UNC79: variants seen among roughly 807,000 people sequenced by gnomAD.
The protein encoded by UNC79 is unc-79 subunit of NALCN channel complex.
A neutral mutation model predicts 283.1 loss-of-function variants in UNC79; 37 were observed. The observed-to-expected ratio is 0.13, with a 90% CI of 0.10 to 0.17. The LOEUF (loss-of-function observed/expected upper bound fraction) is 0.17. Ranked by LOEUF, UNC79 falls within the 10% of genes least tolerant of loss-of-function variation. UNC79 has a pLI of 1.00. For missense variants in UNC79, 2,272 were observed against 3,211.1 expected, an observed-to-expected ratio of 0.71 and a Z score of 7.07; for synonymous variants, 1,107 against 1,200.2, an observed-to-expected ratio of 0.92 and a Z score of 1.61.
At chr14:93,638,013 G>A (rs1019951829) in intron 32 of UNC79, among the ~76,000 whole-genome samples, 1 of 152,170 alleles carries the variant, frequency 6.6e-6, no homozygotes, top group African/African-American at 2.4e-5. Flanking sequence ...CAAGCTGAAG[G>A]CCAATCTGTG....
chr14:93,640,064 G>A (rs185925503), intron 32 of UNC79, among the ~76,000 whole-genome samples: 12 of 152,262 alleles, frequency 7.9e-5, no homozygotes, highest in African/African-American at 2.9e-4. Flanking sequence ...GCATTATTCT[G>A]GATGATCCCT....
At chr14:93,504,258 C>T (rs1304527840) in intron 7 of UNC79, among the ~76,000 whole-genome samples, 1 of 3,918 alleles carries the variant, frequency 2.6e-4, no homozygotes, top group Non-Finnish European at 5.0e-4. Context: ...TCTTTCTGTT[C>T]TTTCTCCTCC....
intron 14 of UNC79, among the ~76,000 whole-genome samples, chr14:93,562,280 G>C (rs1230605680): frequency 6.6e-6 from 1 of 152,154 alleles, no homozygotes; most frequent in Non-Finnish European, 1.5e-5. Context: ...TGATTGTCCA[G>C]GTAGGGTGTC....
At chr14:93,488,652 C>T (rs143152832) in intron 5 of UNC79, among the ~76,000 whole-genome samples, 20 of 152,270 alleles carry the variant, frequency 1.3e-4, no homozygotes, top group African/African-American at 4.3e-4. Context: ...GAAATATAAA[C>T]GGAGTGGCTG....
chr14:93,529,417 AG>A (rs2060699219), intron 10 of UNC79, 91 bp downstream of exon 10: 1 of 1,395,148 alleles, frequency 7.2e-7, no homozygotes, highest in African/African-American at 1.4e-5. Context: ...TATTTTACAA[AG>A]ACAGTCACCA....
rs201836823 is a variant in UNC79 at position 93,434,373 on chromosome 14, AT to A, written c.22+3332del. 2.3e-3 allele frequency among the ~76,000 whole-genome samples: 342 copies of A among 150,986 alleles called. 5 individuals carry two copies. The highest frequency in any genetic ancestry group is 0.022 in the East Asian group (113 of 5,172). On this transcript the variant is annotated intron_variant, in intron 1 of 48. Transcript: ENST00000555664. ...TCTCAGGTGATTGCAGAAGAGTTAA[AT>A]TTTTTTTTTCTCCAAATGCTTCTTT...
At chr14:93,653,556 CTCTT>C (rs1865317805) in intron 35 of UNC79, among the ~76,000 whole-genome samples, 182 bp from the exon 39 acceptor site, 1 of 152,136 alleles carries the variant, frequency 6.6e-6, no homozygotes, top group Non-Finnish European at 1.5e-5. Context: ...TCATGGTTCT[CTCTT>C]TCTAAAAACT....
intron 30 of UNC79, among the ~76,000 whole-genome samples, chr14:93,628,868 C>A (rs1005526430): frequency 1.7e-4 from 26 of 152,152 alleles, no homozygotes; most frequent in African/African-American, 6.3e-4. Flanking sequence ...TACAGCAAGA[C>A]GTTTCTTTAA....
At chr14:93,695,742 A>G (rs532640375) in intron 47 of UNC79, among the ~76,000 whole-genome samples, 151 of 151,602 alleles carry the variant, frequency 1.0e-3, no homozygotes, top group African/African-American at 3.6e-3. Context: ...AAATACCAAC[A>G]TCAGCCAGGC....
At chr14:93,463,866 G>A (rs757122126) in intron 1 of UNC79, among the ~76,000 whole-genome samples, 1 of 152,010 alleles carries the variant, frequency 6.6e-6, no homozygotes, top group Admixed American at 6.6e-5. Context: ...AGATTTCCTC[G>A]GGGCCGGGCG....
intron 30 of UNC79, among the ~76,000 whole-genome samples, chr14:93,629,921 A>C (rs1159539131): frequency 6.6e-6 from 1 of 152,252 alleles, no homozygotes. Context: ...GGTGCTGCCT[A>C]AGATGGCAAC....
At chr14:93,706,958 A>G, downstream of UNC79, 2 of 1,591,478 alleles carry the variant, frequency 1.3e-6, no homozygotes, top group Admixed American at 1.7e-5. Flanking sequence ...AATGGGTTTA[A>G]AAACAAACAA....
intron 1 of UNC79, among the ~76,000 whole-genome samples, chr14:93,365,481 A>G (rs2054310816): frequency 6.6e-6 from 1 of 152,190 alleles, no homozygotes; most frequent in Non-Finnish European, 1.5e-5. Flanking sequence ...AACTCAAGAA[A>G]TAGAACTAAT....
At chr14:93,559,441 TA>T (rs2062404871) in intron 14 of UNC79, among the ~76,000 whole-genome samples, 1 of 152,192 alleles carries the variant, frequency 6.6e-6, no homozygotes, top group Admixed American at 6.5e-5. Flanking sequence ...GTGTGAGCAC[TA>T]AAGCTTTTTA....
chr14:93,560,494 C>T (rs528042908), intron 14 of UNC79, among the ~76,000 whole-genome samples: 29 of 152,104 alleles, frequency 1.9e-4, no homozygotes, highest in East Asian at 1.4e-3. Context: ...AGAGAGGCTA[C>T]GGAAGGTCGT....
chr14:93,496,613 A>G (rs2059025369), intron 6 of UNC79, 147 bp downstream of exon 6: 1 of 479,632 alleles, frequency 2.1e-6, no homozygotes, highest in Non-Finnish European at 3.6e-6. Flanking sequence ...TTCTTTCTTT[A>G]ATGGTTAATT....
At chr14:93,560,748 G>C (rs2062495239) in intron 14 of UNC79, among the ~76,000 whole-genome samples, 1 of 152,096 alleles carries the variant, frequency 6.6e-6, no homozygotes, top group Non-Finnish European at 1.5e-5. Flanking sequence ...AGAGGAAGAA[G>C]AGAGCTTGTG....
In UNC79 at chr14:93,522,946, A is replaced by T. The variant is rs531631097; in HGVS notation, c.899-1032A>T. 1.3e-4 allele frequency among the ~76,000 whole-genome samples: 20 copies of T among 152,286 alleles called. No homozygotes were observed. In the East Asian group the frequency reaches 2.5e-3, roughly 19 times the overall value. The stretch of plus-strand genomic sequence containing the variant: ...AATTTTCTAAAGTGTTTGGAACATA[A>T]ATTAGCTCGGATCATTAATAATATA... On this transcript the variant is annotated intron_variant, in intron 7 of 48. Transcript: ENST00000555664.
At chr14:93,366,188 C>G (rs2054328163) in intron 1 of UNC79, among the ~76,000 whole-genome samples, 1 of 152,190 alleles carries the variant, frequency 6.6e-6, no homozygotes, top group South Asian at 2.1e-4. Context: ...CTTAAGGTTT[C>G]CCACGTGAGG....
Sources: gnomAD v4.1 joint callset for allele counts (sites outside exome capture counted in the v4.1 genomes callset) on GRCh38, gnomAD v4.1.1 for gene constraint, MANE v1.5 for transcripts, NCBI Gene and HGNC (gene_info 2026-07-23, HGNC 2026-07-21) for gene names.